The following FHIT variants were observed in gnomAD, a reference collection of about 807,000 sequenced individuals.
The protein encoded by FHIT is fragile histidine triad diadenosine triphosphatase.
A neutral mutation model predicts 17.9 loss-of-function variants in FHIT; 19 were observed. The observed-to-expected ratio is 1.06, with a 90% CI of 0.74 to 1.56. FHIT has a LOEUF of 1.56. Among genes scored for constraint, FHIT ranks in the 40% most tolerant of loss-of-function variants. The probability of loss-of-function intolerance (pLI) is 0.00; values close to 1 mark genes in which losing one functional copy is unlikely to be tolerated. For missense variants in FHIT, 248 were observed against 189.2 expected (o/e 1.31, Z -1.82); for synonymous variants, 81 against 69.7 (o/e 1.16, Z -0.81).
chr3:60,710,062 C>G (rs1405830795), intron 4 of FHIT, among the ~76,000 whole-genome samples: 1 of 136,202 alleles, frequency 7.3e-6, no homozygotes, highest in Non-Finnish European at 1.5e-5. Flanking sequence ...CCCATTTCAG[C>G]ACACAGAATG....
rs150724103 is a variant in FHIT, at chr3:60,821,293, T to A, written c.-18+626A>T. ...TTTTTAAAAATACATATTCAACATA[T>A]CCGGTGAAATCATTCAAAGATGCAT... On this transcript the variant is annotated intron_variant, in intron 4 of 9. Transcript: ENST00000492590. Among the ~76,000 whole-genome samples, 994 of 152,222 alleles carry A rather than the reference T, an allele frequency of 6.5e-3. 15 individuals are homozygous for A. Among genetic ancestry groups the A allele is most frequent in the African/African-American group, 0.022 (930 of 41,528 alleles).
intron 5 of FHIT, among the ~76,000 whole-genome samples, chr3:60,328,472 G>A (rs1303565825): frequency 2.6e-5 from 4 of 152,088 alleles, no homozygotes; most frequent in Admixed American, 1.3e-4. Flanking sequence ...GCGTGTGCTC[G>A]GGAACTGCCC....
chr3:60,955,622 A>ATATATACATG (rs1709106612), intron 3 of FHIT, among the ~76,000 whole-genome samples: 11 of 15,476 alleles, frequency 7.1e-4, no homozygotes, highest in Non-Finnish European at 2.3e-3. Flanking sequence ...ATATATATAT[A>ATATATACATG]TATATATATA....
intron 3 of FHIT, among the ~76,000 whole-genome samples, chr3:61,021,243 A>G (rs1314967653): frequency 6.6e-6 from 1 of 152,190 alleles, no homozygotes; most frequent in African/African-American, 2.4e-5. Context: ...TCAGCACCAC[A>G]TCGCACTTAT....
At chr3:60,049,634 C>T (rs2106873281) in intron 5 of FHIT, among the ~76,000 whole-genome samples, 1 of 152,188 alleles carries the variant, frequency 6.6e-6, no homozygotes, top group South Asian at 2.1e-4. Flanking sequence ...TGAAATACTA[C>T]TTTACATATA....
intron 3 of FHIT, among the ~76,000 whole-genome samples, chr3:60,892,467 CT>C (rs1174380778): frequency 1.3e-5 from 2 of 152,122 alleles, no homozygotes; most frequent in Non-Finnish European, 2.9e-5. Flanking sequence ...GGGTAATTCC[CT>C]TGTCTTTTGT....
chr3:60,205,990 G>A (rs113605495), intron 5 of FHIT, among the ~76,000 whole-genome samples: 12 of 150,016 alleles, frequency 8.0e-5, no homozygotes, highest in South Asian at 2.1e-4. Flanking sequence ...AAAATTAGCC[G>A]GGCGTGGTTG....
chr3:60,590,075 T>G (rs1321971424), intron 4 of FHIT, among the ~76,000 whole-genome samples: 4 of 152,082 alleles, frequency 2.6e-5, no homozygotes, highest in Non-Finnish European at 4.4e-5. Flanking sequence ...CTCTTCCAAG[T>G]TTTAAAAATA....
At chr3:60,926,876 A>ACCACTGATCCCACAGAAATACATT (rs1707648556) in intron 3 of FHIT, among the ~76,000 whole-genome samples, 1 of 152,220 alleles carries the variant, frequency 6.6e-6, no homozygotes, top group Non-Finnish European at 1.5e-5. Context: ...AGGGGATATC[A>ACCACTGATCCCACAGAAATACATT]CCACTGATCC....
At chr3:60,948,130 T>A (rs1562523) in intron 3 of FHIT, among the ~76,000 whole-genome samples, 2 of 151,866 alleles carry the variant, frequency 1.3e-5, no homozygotes, top group East Asian at 1.9e-4. Flanking sequence ...TTTTCCTTAA[T>A]TGTCCTCACT....
chr3:61,022,426 T>A (rs1010616172), intron 3 of FHIT, among the ~76,000 whole-genome samples: 3 of 151,632 alleles, frequency 2.0e-5, no homozygotes, highest in African/African-American at 7.3e-5. Context: ...AAAGAGGAGC[T>A]GGTACCATTC....
chr3:60,668,845 G>T (rs1000723242), intron 4 of FHIT, among the ~76,000 whole-genome samples: 7 of 152,028 alleles, frequency 4.6e-5, no homozygotes, highest in African/African-American at 1.7e-4. Context: ...GCTTACAGGC[G>T]TGAGCAAACC....
chr3:59,817,556 C>T (rs1328167340), intron 8 of FHIT, among the ~76,000 whole-genome samples: 1 of 100,920 alleles, frequency 9.9e-6, no homozygotes, highest in Non-Finnish European at 2.0e-5. Context: ...GAGCAACACC[C>T]GTCACTAAAA....
chr3:60,254,687 C>T (rs988780515), intron 5 of FHIT, among the ~76,000 whole-genome samples: 46 of 152,134 alleles, frequency 3.0e-4, no homozygotes, highest in African/African-American at 1.1e-3. Context: ...ACTGGCCTTA[C>T]AGTTACTTCC....
intron 5 of FHIT, among the ~76,000 whole-genome samples, chr3:60,466,557 A>G (rs1028941599): frequency 1.3e-5 from 2 of 151,972 alleles, no homozygotes; most frequent in African/African-American, 2.4e-5. Context: ...TTCTATACAC[A>G]GTTTCTGTGG....
chr3:60,515,285 C>G (rs2035109458), intron 5 of FHIT, among the ~76,000 whole-genome samples: 1 of 152,138 alleles, frequency 6.6e-6, no homozygotes, highest in Non-Finnish European at 1.5e-5. Flanking sequence ...GGAGATCCTG[C>G]CCCTGTCCCT....
At chr3:60,082,742 T>C (rs1455776256) in intron 5 of FHIT, among the ~76,000 whole-genome samples, 1 of 152,154 alleles carries the variant, frequency 6.6e-6, no homozygotes, top group Non-Finnish European at 1.5e-5. Context: ...TTGAGCATTT[T>C]TTCATGTTTG....
At chr3:59,860,792 T>C (rs1437351302) in intron 8 of FHIT, among the ~76,000 whole-genome samples, 4 of 151,734 alleles carry the variant, frequency 2.6e-5, no homozygotes, top group African/African-American at 9.7e-5. Flanking sequence ...CTTCAGAAAA[T>C]AGAAGGAAAA....
intron 8 of FHIT, among the ~76,000 whole-genome samples, chr3:59,763,793 C>T (rs1376302997): frequency 6.6e-6 from 1 of 152,170 alleles, no homozygotes; most frequent in Non-Finnish European, 1.5e-5. Flanking sequence ...ATGGTCTGTG[C>T]ACTGGCTGAA....
Sources: gnomAD v4.1 joint callset for allele counts (sites outside exome capture counted in the v4.1 genomes callset) on GRCh38, gnomAD v4.1.1 for gene constraint, MANE v1.5 for transcripts, NCBI Gene and HGNC (gene_info 2026-07-23, HGNC 2026-07-21) for gene names.